The following CNDP1 variants were observed in gnomAD, a reference collection of about 807,000 sequenced individuals.
CNDP1 encodes beta-Ala-His dipeptidase.
A neutral mutation model predicts 58.1 loss-of-function variants in CNDP1; 44 were observed. The observed-to-expected ratio is 0.76, with a 90% CI of 0.60 to 0.97. The LOEUF (loss-of-function observed/expected upper bound fraction) is 0.97, where lower values mean the gene tolerates loss of function less well. Ranked by LOEUF, CNDP1 falls within the 50% of genes least tolerant of loss-of-function variation. The probability of loss-of-function intolerance (pLI) is 0.00; values close to 1 mark genes in which losing one functional copy is unlikely to be tolerated. For synonymous variants in CNDP1, 254 were observed against 252.6 expected (o/e 1.01, Z -0.05); for missense variants, 616 against 655.1 (o/e 0.94, Z 0.65).
At position 74,541,894 on chromosome 18, in the gene CNDP1, A is replaced by G. The variant is rs577901437; in HGVS notation, c.24+7203A>G. 9.8e-5 allele frequency among the ~76,000 whole-genome samples: 15 copies of G among 152,298 alleles called. 1 individual carries two copies. Among genetic ancestry groups the G allele is most frequent in the African/African-American group, 3.6e-4 (15 of 41,568 alleles). ...CTCAGCTTCCGGCGCCACAGGACAT[A>G]AAGTTGGGGTGCTGTCCCCTGCTGA... On this transcript the variant is annotated intron_variant, in intron 1 of 11. Transcript: ENST00000358821.
In CNDP1 at chr18:74,560,958, C is replaced by T. The variant is rs1981179125; in HGVS notation, c.406C>T (p.Gln136Ter). ...GTGCTTCTACGGCCACTTGGACGTG[C>T]AGCCTGCTGACCGGGGCGATGGGTG... ...TVCFYGHLDV[Q>*]PADRGDGWLT... The change falls in exon 4 of 12, where the codon CAG becomes TAG. Residue 136 changes from glutamine to a stop codon, truncating the protein, a stop_gained. Coordinates refer to ENST00000358821, the MANE Select transcript of CNDP1 (RefSeq NM_032649.6). LOFTEE classifies it high-confidence loss of function. 1 of 1,614,156 alleles carries T rather than the reference C, an allele frequency of 6.2e-7. No individual in the cohort carries two copies. The highest frequency in any genetic ancestry group is 1.3e-5 in the African/African-American group (1 of 75,068).
At chr18:74,573,620 C>T (rs1162838456) in intron 7 of CNDP1, among the ~76,000 whole-genome samples, 1 of 152,218 alleles carries the variant, frequency 6.6e-6, no homozygotes, top group African/African-American at 2.4e-5. Context: ...AGATGGTATG[C>T]AACTCACAAT....
rs987449684 is a variant in CNDP1 at position 74,585,072 on chromosome 18, A to T, written c.*510A>T. The T allele has an allele frequency of 7.7e-5, 12 of 155,350 alleles. No homozygotes were observed. Among genetic ancestry groups the T allele is most frequent in the African/African-American group, 2.9e-4 (12 of 41,508 alleles). 9.6% of individuals were successfully genotyped at this position (155,350 alleles called of 1,614,324 possible). A position where few individuals can be genotyped will look rare whatever the true frequency, so the allele number is the denominator to read the frequency against. Reference sequence around the variant, plus strand: ...TTCAGAGGAGTTACTAAGGCATGGTACTATATTAACCTCTTGCCTCCCCTT... The same window carrying T: ...TTCAGAGGAGTTACTAAGGCATGGTTCTATATTAACCTCTTGCCTCCCCTT... On this transcript the variant is annotated 3_prime_UTR_variant, in exon 12 of 12. Coordinates refer to ENST00000358821, the MANE Select transcript of CNDP1 (RefSeq NM_032649.6).
intron 2 of CNDP1, among the ~76,000 whole-genome samples, chr18:74,558,678 G>C (rs552711500): frequency 6.6e-6 from 1 of 152,090 alleles, no homozygotes; most frequent in Non-Finnish European, 1.5e-5. Context: ...ACAGGTGTGA[G>C]CCACCGCACC....
intron 3 of CNDP1, 140 bp from the exon 4 acceptor site, chr18:74,560,716 T>G: frequency 1.2e-6 from 1 of 800,664 alleles, no homozygotes; most frequent in Non-Finnish European, 2.1e-6. Flanking sequence ...AAAAAGTGTT[T>G]CATGGGACTC....
chr18:74,577,978 G>A, intron 8 of CNDP1, 185 bp from the exon 9 acceptor site: 1 of 541,884 alleles, frequency 1.8e-6, no homozygotes, highest in Non-Finnish European at 3.3e-6. Flanking sequence ...GGGTAGTGAA[G>A]GCATCTGAGG....
intron 1 of CNDP1, among the ~76,000 whole-genome samples, chr18:74,539,124 C>T (rs1324908631): frequency 1.3e-5 from 2 of 150,624 alleles, no homozygotes; most frequent in African/African-American, 4.9e-5. Flanking sequence ...CCGGAAAATA[C>T]ATGGACATTC....
At position 74,535,580 on chromosome 18, in the gene CNDP1, C is replaced by CTTTTT. The variant is rs10685765; in HGVS notation, c.24+899_24+903dup. Among the ~76,000 whole-genome samples, 196 of 106,386 alleles carry CTTTTT rather than the reference C, an allele frequency of 1.8e-3. 4 individuals are homozygous for CTTTTT. Among genetic ancestry groups the CTTTTT allele is most frequent in the Non-Finnish European group, 3.1e-3 (173 of 54,926 alleles). 69.8% of individuals were successfully genotyped at this position (106,386 alleles called of 152,430 possible). On this transcript the variant is annotated intron_variant, in intron 1 of 11. Transcript: ENST00000358821. ...GTCTGGCCATGCTTTCCATTGCTGA[C>CTTTTT]TTTTTTTTTTTTTTAAAGAACCCAT... is the stretch of plus-strand genomic sequence containing the variant.
intron 1 of CNDP1, among the ~76,000 whole-genome samples, chr18:74,546,107 T>C (rs543844199): frequency 6.6e-6 from 1 of 152,342 alleles, no homozygotes; most frequent in East Asian, 1.9e-4. Flanking sequence ...GGTTATTTCA[T>C]TCACTCTTTT....
chr18:74,573,821 C>T (rs961299136), intron 7 of CNDP1, among the ~76,000 whole-genome samples: 16 of 152,216 alleles, frequency 1.1e-4, no homozygotes, highest in African/African-American at 3.9e-4. Flanking sequence ...CATTGCTCTG[C>T]TAAGGAAGAG....
Position 74,580,129 on chromosome 18 carries a change from G to T in CNDP1, c.1168-1G>T. The stretch of plus-strand genomic sequence containing the variant: ...TTATCATTGAAAATGTCACCTTTTA[G>T]GTGACACGACATCTTGAAGATGTGT... On this transcript the variant is annotated splice_acceptor_variant, in intron 9 of 11. Transcript: ENST00000358821. LOFTEE classifies it high-confidence loss of function. The T allele has an allele frequency of 6.2e-7, 1 of 1,611,960 alleles. No homozygotes were observed. Among genetic ancestry groups the T allele is most frequent in the South Asian group, 1.1e-5 (1 of 90,730 alleles).
intron 6 of CNDP1, among the ~76,000 whole-genome samples, chr18:74,568,782 G>A (rs571834926): frequency 6.6e-6 from 1 of 152,292 alleles, no homozygotes; most frequent in South Asian, 2.1e-4. Context: ...GAGAAGGGAT[G>A]GGAGGATGAA....
rs547500141 is a variant in CNDP1, at chr18:74,543,499, TAAAAC to T, written c.24+8818_24+8822del. Reference sequence around the variant, plus strand: ...CAGAGTGAGATCCTGTCTCAAAAAATAAAACAAAACAAAATAAAATAAAATAAAAT... The same window carrying T: ...CAGAGTGAGATCCTGTCTCAAAAAATAAAACAAAATAAAATAAAATAAAAT... On this transcript the variant is annotated intron_variant, in intron 1 of 11. Coordinates refer to ENST00000358821, the MANE Select transcript of CNDP1 (RefSeq NM_032649.6). Among the ~76,000 whole-genome samples, 456 of 131,518 alleles carry T rather than the reference TAAAAC, an allele frequency of 3.5e-3. 1 individual carries two copies. Among genetic ancestry groups the T allele is most frequent in the South Asian group, 0.022 (85 of 3,948 alleles). The allele number at this position is 131,518 out of a possible 152,430, so 86.3% of individuals were successfully genotyped here.
Position 74,586,903 on chromosome 18 carries a change from G to C in CNDP1, c.*2341G>C, listed in dbSNP as rs1390709018. 2 of 152,178 alleles carry C rather than the reference G, an allele frequency of 1.3e-5. No individual in the cohort carries two copies. The highest frequency in any genetic ancestry group is 2.9e-5 in the Non-Finnish European group (2 of 68,024). The allele number at this position is 152,178 out of a possible 1,614,324, so 9.4% of individuals were successfully genotyped here. A position where few individuals can be genotyped will look rare whatever the true frequency, so the allele number is the denominator to read the frequency against. On this transcript the variant is annotated 3_prime_UTR_variant, in exon 12 of 12. Coordinates refer to ENST00000358821, the MANE Select transcript of CNDP1 (RefSeq NM_032649.6). The stretch of plus-strand genomic sequence containing the variant: ...TAACCAGCCATATGGAGGCAAAAAA[G>C]GGAGAAATTTAAATATTTGTTTTTT...
At chr18:74,541,546 A>G (rs1568290328) in intron 1 of CNDP1, among the ~76,000 whole-genome samples, 2 of 152,208 alleles carry the variant, frequency 1.3e-5, no homozygotes, top group Non-Finnish European at 2.9e-5. Flanking sequence ...ATCCCAGTGC[A>G]GAGCTCCTGC....
At position 74,586,476 on chromosome 18, in the gene CNDP1, T is replaced by C. The variant is rs150490687; in HGVS notation, c.*1914T>C. 126 of 152,330 alleles carry C rather than the reference T, an allele frequency of 8.3e-4. No homozygotes were observed. The highest frequency in any genetic ancestry group is 2.6e-3 in the African/African-American group (108 of 41,570). The allele number at this position is 152,330 out of a possible 1,614,324, so 9.4% of individuals were successfully genotyped here. ...TGTTAGTCCATTAACATAAGTTTAT[T>C]ATAAAATACACTGTAAGCATTTCTG... is the stretch of plus-strand genomic sequence containing the variant. On this transcript the variant is annotated 3_prime_UTR_variant, in exon 12 of 12. Coordinates refer to ENST00000358821, the MANE Select transcript of CNDP1 (RefSeq NM_032649.6).
chr18:74,554,565 C>A (rs554932992), intron 1 of CNDP1, among the ~76,000 whole-genome samples: 6 of 152,296 alleles, frequency 3.9e-5, no homozygotes, highest in African/African-American at 1.4e-4. Flanking sequence ...AGCTCACCTT[C>A]ACTCTATGGG....
chr18:74,557,121 A>G (rs184024870), intron 2 of CNDP1, among the ~76,000 whole-genome samples: 47 of 152,098 alleles, frequency 3.1e-4, no homozygotes, highest in African/African-American at 1.1e-3. Flanking sequence ...TTTCCCCATG[A>G]TGGGCAGGCT....
At chr18:74,559,012 G>A (rs985751985) in intron 2 of CNDP1, among the ~76,000 whole-genome samples, 1 of 152,134 alleles carries the variant, frequency 6.6e-6, no homozygotes, top group African/African-American at 2.4e-5. Context: ...AACAGTGGGT[G>A]GGGACTTGCC....
Sources: gnomAD v4.1 joint callset for allele counts (sites outside exome capture counted in the v4.1 genomes callset) on GRCh38, gnomAD v4.1.1 for gene constraint, MANE v1.5 for transcripts, NCBI Gene and HGNC (gene_info 2026-07-23, HGNC 2026-07-21) for gene names.